Variants in HMG20A observed in about 807,000 individuals in gnomAD.
HMG20A encodes high mobility group 20A.
In HMG20A, 17 loss-of-function variants were observed where a neutral mutation model predicts 43.9. The observed-to-expected ratio is 0.39, with a 90% CI of 0.27 to 0.58. The LOEUF (loss-of-function observed/expected upper bound fraction) is 0.58, where lower values mean the gene tolerates loss of function less well. Among genes scored for constraint, HMG20A ranks in the 20% least tolerant of loss-of-function variants. The pLI is 0.59. For synonymous variants in HMG20A, 132 were observed against 147.5 expected, an observed-to-expected ratio of 0.89 and a Z score of 0.76; for missense variants, 341 against 438.2, an observed-to-expected ratio of 0.78 and a Z score of 1.98.
intron 1 of HMG20A, among the ~76,000 whole-genome samples, chr15:77,431,797 G>GCCCCA: frequency 6.7e-6 from 1 of 148,404 alleles, no homozygotes; most frequent in African/African-American, 2.5e-5. Flanking sequence ...CATCTTCCCA[G>GCCCCA]CCCCACCCCA....
At chr15:77,448,726 T>A (rs1200011685) in intron 1 of HMG20A, among the ~76,000 whole-genome samples, 1 of 152,166 alleles carries the variant, frequency 6.6e-6, no homozygotes, top group African/African-American at 2.4e-5. Context: ...AGATAATATT[T>A]GTTGAATGAA....
At chr15:77,507,886 G>A in the HMG20A span, among the ~76,000 whole-genome samples, 3 of 151,258 alleles carry the variant, frequency 2.0e-5, no homozygotes, top group African/African-American at 4.9e-5. Context: ...GTGGGGGGGC[G>A]GTGCTGAGCG....
chr15:77,429,444 A>G (rs1294728510), intron 1 of HMG20A, among the ~76,000 whole-genome samples: 2 of 151,958 alleles, frequency 1.3e-5, no homozygotes, highest in Admixed American at 1.3e-4. Context: ...CTTCATTCCT[A>G]TACTTCATAG....
chr15:77,466,312 C>T lies in HMG20A; in HGVS notation c.238-783C>T, dbSNP rs534795018. ...AGGAGAATCACTTGAACCTGGGAGG[C>T]GGAGGTTGCGGTGAGCCGAGATAGC... On this transcript the variant is annotated intron_variant, in intron 3 of 9. Transcript: ENST00000336216. Among the ~76,000 whole-genome samples the T allele has an allele frequency of 3.6e-4, 54 of 152,048 alleles. 1 individual carries two copies. The highest frequency in any genetic ancestry group is 1.3e-3 in the African/African-American group (52 of 41,460).
At chr15:77,477,863 T>C (rs1248960073) in intron 7 of HMG20A, among the ~76,000 whole-genome samples, 1 of 152,152 alleles carries the variant, frequency 6.6e-6, no homozygotes, top group Non-Finnish European at 1.5e-5. Context: ...TGGAACCCCT[T>C]GCACAAATAA....
chr15:77,452,902 A>G (rs577976838), intron 1 of HMG20A, among the ~76,000 whole-genome samples: 38 of 152,350 alleles, frequency 2.5e-4, no homozygotes, highest in African/African-American at 8.2e-4. Flanking sequence ...CAATTTTGCA[A>G]TAACAATACA....
At chr15:77,428,058 A>C (rs1255534487) in intron 1 of HMG20A, among the ~76,000 whole-genome samples, 1 of 152,200 alleles carries the variant, frequency 6.6e-6, no homozygotes, top group Non-Finnish European at 1.5e-5. Context: ...TCTGAACTGG[A>C]ACTTGGGACA....
chr15:77,485,953 A>T (rs914919359), downstream of HMG20A, among the ~76,000 whole-genome samples: 1 of 152,202 alleles, frequency 6.6e-6, no homozygotes, highest in Non-Finnish European at 1.5e-5. Context: ...AATAAATAAA[A>T]AAGTTCTATT....
intron 3 of HMG20A, among the ~76,000 whole-genome samples, chr15:77,466,197 A>C (rs199558163): frequency 8.5e-5 from 13 of 152,220 alleles, no homozygotes; most frequent in Admixed American, 2.6e-4. Flanking sequence ...CCTGATCAAC[A>C]TGGCAAAACC....
At chr15:77,467,426 G>C in intron 4 of HMG20A, 119 bp downstream of exon 4, 1 of 780,678 alleles carries the variant, frequency 1.3e-6, no homozygotes, top group Non-Finnish European at 2.1e-6. Flanking sequence ...GTGCCTAGGA[G>C]ACCAGAATAG....
chr15:77,490,251 G>A (rs942776818), downstream of HMG20A, among the ~76,000 whole-genome samples: 3 of 152,122 alleles, frequency 2.0e-5, no homozygotes, highest in Admixed American at 1.3e-4. Context: ...TTGTGCCACT[G>A]CACTCCAGCC....
the HMG20A span, among the ~76,000 whole-genome samples, chr15:77,515,903 G>A: frequency 1.3e-5 from 2 of 152,006 alleles, no homozygotes; most frequent in Non-Finnish European, 1.5e-5. Context: ...GGCCAGATCC[G>A]ATTCAAAGGT....
chr15:77,493,254 T>C, the HMG20A span, among the ~76,000 whole-genome samples: 12,933 of 152,066 alleles, frequency 0.085, 623 homozygotes, highest in Non-Finnish European at 0.1. Context: ...TGGGCAACTT[T>C]TTTCGATGGT....
At position 77,463,051 on chromosome 15, in the gene HMG20A, C is replaced by T. The variant is rs1206288263; in HGVS notation, c.90-1189C>T. Among the ~76,000 whole-genome samples the T allele has an allele frequency of 2.6e-5, 4 of 152,202 alleles. No homozygotes were observed. The East Asian group carries it at 5.8e-4, about 22-fold the overall frequency. ...CCTCCCAAAGTGCTGGGATTACAGG[C>T]GTGAGGCACCACACCTAGCCATTCT... On this transcript the variant is annotated intron_variant, in intron 2 of 9. Coordinates refer to ENST00000336216, the MANE Select transcript of HMG20A (RefSeq NM_001304504.2).
intron 1 of HMG20A, among the ~76,000 whole-genome samples, chr15:77,450,809 A>G (rs569036553): frequency 6.6e-6 from 1 of 152,210 alleles, no homozygotes; most frequent in East Asian, 1.9e-4. Flanking sequence ...TGTATTTTGT[A>G]TTTTCATACA....
chr15:77,506,391 C>T, the HMG20A span, among the ~76,000 whole-genome samples: 6 of 152,118 alleles, frequency 3.9e-5, no homozygotes, highest in African/African-American at 1.4e-4. Flanking sequence ...CACGATGAAG[C>T]CGCCGATGCC....
chr15:77,466,349 A>G (rs1359684052), intron 3 of HMG20A, among the ~76,000 whole-genome samples: 2 of 152,168 alleles, frequency 1.3e-5, no homozygotes, highest in African/African-American at 4.8e-5. Flanking sequence ...CCATTGCACT[A>G]CAGCCTGGGC....
chr15:77,454,036 GGCGTGGTCCTA>G (rs2072631674), intron 1 of HMG20A, among the ~76,000 whole-genome samples: 1 of 151,656 alleles, frequency 6.6e-6, no homozygotes, highest in African/African-American at 2.4e-5. Flanking sequence ...AAATTAGCCA[GGCGTGGTCCTA>G]GCTACTCAGG....
intron 4 of HMG20A, among the ~76,000 whole-genome samples, chr15:77,469,627 A>G (rs2072788298): frequency 6.6e-6 from 1 of 152,082 alleles, no homozygotes; most frequent in South Asian, 2.1e-4. Flanking sequence ...ATGAGCCACC[A>G]TGCCCGACCC....
Sources: allele counts gnomAD v4.1 joint callset (sites outside exome capture counted in the v4.1 genomes callset), GRCh38; gene constraint gnomAD v4.1.1; transcripts MANE v1.5; gene names NCBI Gene and HGNC (gene_info 2026-07-23, HGNC 2026-07-21).